SH3D19: variants seen among roughly 807,000 people sequenced by gnomAD.
SH3D19 encodes the protein SH3 domain-containing protein 19.
In SH3D19, 58 loss-of-function variants were observed where a neutral mutation model predicts 112.1. That is an observed-to-expected ratio of 0.52 (90% CI 0.42 to 0.64). The LOEUF (loss-of-function observed/expected upper bound fraction) is 0.64. Among genes scored for constraint, SH3D19 ranks in the 30% least tolerant of loss-of-function variants. SH3D19 has a pLI of 0.00. For missense variants in SH3D19, 1,090 were observed against 1,263.4 expected (o/e 0.86, Z 2.08); for synonymous variants, 391 against 448.5 (o/e 0.87, Z 1.62).
At chr4:151,259,118 T>G (rs927822846) in intron 1 of SH3D19, among the ~76,000 whole-genome samples, 19 of 152,098 alleles carry the variant, frequency 1.2e-4, no homozygotes, top group African/African-American at 4.6e-4. Flanking sequence ...ACTGTACTTC[T>G]AGCCCAGGTA....
At chr4:151,122,330 A>C (rs780025080) in intron 19 of SH3D19, 123 bp from the exon 20 acceptor site, 9 of 618,750 alleles carry the variant, frequency 1.5e-5, no homozygotes, top group Non-Finnish European at 2.3e-5. Flanking sequence ...ATTGTTGAGA[A>C]TTAAATGACA....
At chr4:151,323,463 C>T (rs1730747146) in intron 1 of SH3D19, among the ~76,000 whole-genome samples, 1 of 152,088 alleles carries the variant, frequency 6.6e-6, no homozygotes, top group South Asian at 2.1e-4. Context: ...AACATGTTAA[C>T]TAATAAGGGG....
chr4:151,222,452 C>T (rs1267677668), intron 2 of SH3D19, among the ~76,000 whole-genome samples: 2 of 152,072 alleles, frequency 1.3e-5, no homozygotes. Flanking sequence ...AATACTTTGG[C>T]ATATATCTCC....
intron 2 of SH3D19, among the ~76,000 whole-genome samples, chr4:151,203,564 G>C (rs1415587983): frequency 6.6e-6 from 1 of 152,122 alleles, no homozygotes; most frequent in Admixed American, 6.5e-5. Flanking sequence ...CCTCAGGTGG[G>C]GATGCCAGCC....
At chr4:151,212,020 G>C (rs2407414) in intron 2 of SH3D19, among the ~76,000 whole-genome samples, 129,577 of 152,182 alleles carry the variant, frequency 0.85, 56,219 homozygotes, top group Non-Finnish European at 0.95. Flanking sequence ...GGAAGAAGGT[G>C]CCATCTAGGA....
intron 2 of SH3D19, among the ~76,000 whole-genome samples, chr4:151,203,987 A>G (rs1379564632): frequency 6.6e-6 from 1 of 152,192 alleles, no homozygotes; most frequent in African/African-American, 2.4e-5. Flanking sequence ...TTAGATTTCC[A>G]GAATAGTTGT....
chr4:151,220,496 C>T (rs1263171941), intron 2 of SH3D19, among the ~76,000 whole-genome samples: 3 of 152,146 alleles, frequency 2.0e-5, no homozygotes, highest in Non-Finnish European at 4.4e-5. Flanking sequence ...GTTCAGACCC[C>T]TAAGTCATCA....
In SH3D19 at chr4:151,143,971, A is replaced by C. The variant is rs1753465461; in HGVS notation, c.2162T>G (p.Val721Gly). The change falls in exon 12 of 20, where the codon GTT (valine) becomes GGT (glycine). Residue 721 changes from valine to glycine, a missense_variant. Coordinates refer to ENST00000604030, the MANE Select transcript of SH3D19 (RefSeq NM_001378122.1). ...GATAATCTTCATTTGAGACAGGTGAACTCTGCCAGTGTCTTCTCCCTTTTG... is the reference window on the plus strand; with the variant it reads ...GATAATCTTCATTTGAGACAGGTGACCTCTGCCAGTGTCTTCTCCCTTTTG... ...ECQKGEDTGR[V>G]HLSQMKIITP... is the part of the protein sequence containing the mutation. 6.2e-7 allele frequency: 1 copy of C among 1,613,846 alleles called. No homozygotes were observed. The highest frequency in any genetic ancestry group is 8.5e-7 in the Non-Finnish European group (1 of 1,179,974).
chr4:151,125,525 G>T (rs192071329), intron 19 of SH3D19, among the ~76,000 whole-genome samples: 2 of 149,098 alleles, frequency 1.3e-5, no homozygotes, highest in East Asian at 4.0e-4. Flanking sequence ...AGAAAGAAAG[G>T]AAGGAAAGGA....
intron 2 of SH3D19, among the ~76,000 whole-genome samples, chr4:151,204,109 T>G (rs1221856822): frequency 1.3e-5 from 2 of 152,216 alleles, no homozygotes; most frequent in Non-Finnish European, 2.9e-5. Flanking sequence ...TACTTCTCCA[T>G]GTTTTATTTG....
chr4:151,323,975 G>A (rs796263137), intron 1 of SH3D19, among the ~76,000 whole-genome samples: 18 of 152,190 alleles, frequency 1.2e-4, no homozygotes, highest in African/African-American at 4.1e-4. Flanking sequence ...TTTTTTCATT[G>A]TACTCTTGCA....
At chr4:151,144,825 A>G (rs1298733199) in intron 11 of SH3D19, among the ~76,000 whole-genome samples, 1 of 152,154 alleles carries the variant, frequency 6.6e-6, no homozygotes, top group Admixed American at 6.5e-5. Context: ...GTCTGATCTT[A>G]GAATGGTTTT....
At chr4:151,195,483 A>G (rs1188483628) in intron 2 of SH3D19, among the ~76,000 whole-genome samples, 1 of 152,024 alleles carries the variant, frequency 6.6e-6, no homozygotes, top group African/African-American at 2.4e-5. Flanking sequence ...GGCACCAAAG[A>G]AAGAAGATTA....
At chr4:151,171,520 C>A (rs1759060986) in intron 7 of SH3D19, among the ~76,000 whole-genome samples, 1 of 152,106 alleles carries the variant, frequency 6.6e-6, no homozygotes, top group South Asian at 2.1e-4. Flanking sequence ...TCTGTCTTCC[C>A]TCTACCCCCT....
In SH3D19 at chr4:151,186,495, A is replaced by G. The variant is rs1043949868; in HGVS notation, c.193+928T>C. ...GTTGCCCAGGCTGGAGTGCAGTGGC[A>G]CAATCTTGGCTCACTGCAACCTCCA... On this transcript the variant is annotated intron_variant, in intron 3 of 19. Transcript: ENST00000604030. 4.6e-5 allele frequency among the ~76,000 whole-genome samples: 7 copies of G among 150,746 alleles called. No individual in the cohort carries two copies. The East Asian group carries it at 8.0e-4, about 17-fold the overall frequency.
rs1161941646 is a variant in SH3D19 at position 151,174,821 on chromosome 4, T to A, written c.1383A>T (p.Ser461=). 1.9e-6 allele frequency: 3 copies of A among 1,568,238 alleles called. No individual in the cohort carries two copies. Among genetic ancestry groups the A allele is most frequent in the Non-Finnish European group, 2.6e-6 (3 of 1,159,596 alleles). ...AGASQAKAYK[S]LGEGPPANPP... is the part of the protein sequence containing the mutation. ...GGTTGGCTGGGGGCCCTTCTCCCAG[T>A]GACTTGTATGCTTTGGCTTGTGATG... The change falls in exon 7 of 20, where the codon TCA becomes TCT. Residue 461 remains serine (S), a synonymous_variant. Coordinates refer to ENST00000604030, the MANE Select transcript of SH3D19 (RefSeq NM_001378122.1).
At chr4:151,213,874 T>A (rs13141871) in intron 2 of SH3D19, among the ~76,000 whole-genome samples, 121,550 of 149,764 alleles carry the variant, frequency 0.81, 51,395 homozygotes, top group Non-Finnish European at 0.94. Flanking sequence ...TTTTTTTTTT[T>A]AATTTTATTT....
At chr4:151,225,936 C>G (rs1456145473) in intron 2 of SH3D19, 111 bp downstream of exon 2, 2 of 652,582 alleles carry the variant, frequency 3.1e-6, no homozygotes, top group Non-Finnish European at 4.4e-6. Context: ...CTGAATGCTA[C>G]AGAAGATTCC....
At chr4:151,307,301 C>T (rs28397664) in intron 1 of SH3D19, among the ~76,000 whole-genome samples, 1,745 of 152,284 alleles carry the variant, frequency 0.011, 32 homozygotes, top group African/African-American at 0.038. Flanking sequence ...GGATTACAGG[C>T]GTGAGCCACT....
Sources: gnomAD v4.1 joint callset for allele counts (sites outside exome capture counted in the v4.1 genomes callset) on GRCh38, gnomAD v4.1.1 for gene constraint, MANE v1.5 for transcripts, NCBI Gene and HGNC (gene_info 2026-07-23, HGNC 2026-07-21) for gene names.